TANC1: variants seen among roughly 807,000 people sequenced by gnomAD.
TANC1 encodes protein TANC1.
In TANC1, 77 loss-of-function variants were observed where a neutral mutation model predicts 149.7. The ratio of observed to expected loss-of-function variants is 0.51; its 90% CI spans 0.43 to 0.62. TANC1 has a LOEUF of 0.62. TANC1 is among the 20% of genes least tolerant of loss of function. TANC1 has a pLI of 0.00. For missense variants in TANC1, 1,985 were observed against 2,321.8 expected, an observed-to-expected ratio of 0.85 and a Z score of 2.98; for synonymous variants, 854 against 925.0, an observed-to-expected ratio of 0.92 and a Z score of 1.39.
rs2149693708 is a variant in TANC1, at chr2:159,065,859, G to GT, written c.-15-34dup. On this transcript the variant is annotated intron_variant, in intron 2 of 26. Coordinates refer to ENST00000263635, the MANE Select transcript of TANC1 (RefSeq NM_033394.3). ...CACAAGTTATATTCCAACTTTCAAT[G>GT]TTTAATTCCTCTTCTCTCTGTTTCT... The GT allele has an allele frequency of 4.5e-6, 7 of 1,557,378 alleles. No individual in the cohort carries two copies. The South Asian group carries it at 7.8e-5, about 17-fold the overall frequency.
intron 4 of TANC1, among the ~76,000 whole-genome samples, chr2:159,125,546 G>T (rs998069412): frequency 6.6e-6 from 1 of 151,412 alleles, no homozygotes; most frequent in African/African-American, 2.4e-5. Flanking sequence ...CCATGTGACT[G>T]TAGGACTGAG....
At chr2:158,974,748 T>C (rs1244189308) in intron 1 of TANC1, among the ~76,000 whole-genome samples, 19 of 151,650 alleles carry the variant, frequency 1.3e-4, no homozygotes, top group Non-Finnish European at 2.8e-4. Context: ...TGTATTTTAT[T>C]TTGAGAAAGG....
At chr2:158,989,609 C>CAA (rs35891573) in intron 1 of TANC1, among the ~76,000 whole-genome samples, 12 of 87,578 alleles carry the variant, frequency 1.4e-4, no homozygotes, top group Admixed American at 2.7e-4. Flanking sequence ...GACTCAGTCT[C>CAA]AAAAAAAAAA....
chr2:158,995,518 A>G lies in TANC1; in HGVS notation c.-125-5562A>G, dbSNP rs1203959839. Among the ~76,000 whole-genome samples the G allele has an allele frequency of 4.6e-5, 7 of 152,106 alleles. No homozygotes were observed. In the East Asian group the frequency reaches 1.2e-3, roughly 25 times the overall value. Reference sequence around the variant, plus strand: ...ATCCTTTCCCTCCCTGTAGCACATTACCCGAGGGCGGGACTCTTGGAAACT... The same window carrying G: ...ATCCTTTCCCTCCCTGTAGCACATTGCCCGAGGGCGGGACTCTTGGAAACT... On this transcript the variant is annotated intron_variant, in intron 1 of 26. Transcript: ENST00000263635.
chr2:159,066,006 C>T (rs1225915540), intron 3 of TANC1, 35 bp downstream of exon 3: 11 of 1,541,252 alleles, frequency 7.1e-6, no homozygotes, highest in East Asian at 2.2e-5. Context: ...CAGCCATGGA[C>T]AGCGGGCAGC....
At chr2:159,148,815 A>T (rs533703282) in intron 5 of TANC1, 4 of 188,272 alleles carry the variant, frequency 2.1e-5, no homozygotes, top group East Asian at 2.8e-4. Context: ...TGAGGGTAAC[A>T]TGAAAGATAG....
At chr2:159,023,617 C>T (rs2039008997) in intron 2 of TANC1, among the ~76,000 whole-genome samples, 1 of 152,104 alleles carries the variant, frequency 6.6e-6, no homozygotes, top group Non-Finnish European at 1.5e-5. Context: ...GCTGGAATTA[C>T]AGGCATGTGC....
chr2:159,229,109 A>C (rs1318932540), intron 26 of TANC1, among the ~76,000 whole-genome samples: 1 of 152,106 alleles, frequency 6.6e-6, no homozygotes, highest in Non-Finnish European at 1.5e-5. Context: ...ACGTCTCAAT[A>C]ATCATTCCTT....
chr2:159,169,256 G>A lies in TANC1; in HGVS notation c.953G>A (p.Ser318Asn), dbSNP rs761085123. ...CTTCAGTTTAATATTACAGCAACAA[G>A]CTCAACCAAATTGGAAGATCTGAGT... is the stretch of plus-strand genomic sequence containing the variant. ...MPRPNSVAATSSTKLEDLSYL... is the reference protein window; with the variant it reads ...MPRPNSVAATNSTKLEDLSYL... Residue 318 changes from serine to asparagine, a missense_variant, in exon 9 of 27, where the codon AGC (serine) becomes AAC (asparagine). Physicochemically the swap from Ser to Asn is conservative, Grantham distance 46. Transcript: ENST00000263635. The A allele has an allele frequency of 2.2e-5, 36 of 1,613,466 alleles. No individual in the cohort carries two copies. Among genetic ancestry groups the A allele is most frequent in the Non-Finnish European group, 2.7e-5 (32 of 1,179,578 alleles).
intron 1 of TANC1, among the ~76,000 whole-genome samples, chr2:158,969,080 G>A (rs1205734233): frequency 6.6e-6 from 1 of 152,216 alleles, no homozygotes; most frequent in Non-Finnish European, 1.5e-5. Context: ...CCCTGGAACC[G>A]GTGTGGTGGG....
In TANC1 at chr2:159,199,008, C is replaced by A. The variant is rs372204559; in HGVS notation, c.3199C>A (p.His1067Asn). The A allele has an allele frequency of 6.8e-6, 11 of 1,614,038 alleles. No homozygotes were observed. The African/African-American group carries it at 1.1e-4, about 16-fold the overall frequency. The change falls in exon 19 of 27, where the codon CAT becomes AAT. Residue 1067 changes from histidine (H) to asparagine (N), a missense_variant. Around this residue, in one of 3 missense-constraint regions of TANC1, gnomAD observed 920 missense variants for 994.7 expected, o/e 0.92. Coordinates refer to ENST00000263635, the MANE Select transcript of TANC1 (RefSeq NM_033394.3). ...GTGCTTGCTGGGGATGGAGAAGGAA[C>A]ATGAAGTAGAAGTCAATGGCACCGA... Reference protein sequence around the residue: ...VQCLLGMEKEHEVEVNGTDTL... With the variant: ...VQCLLGMEKENEVEVNGTDTL...
chr2:159,205,255 G>T (rs1357818026), intron 19 of TANC1, among the ~76,000 whole-genome samples: 1 of 152,216 alleles, frequency 6.6e-6, no homozygotes, highest in Non-Finnish European at 1.5e-5. Context: ...ATCCAAGGCT[G>T]CCCCAGAGCA....
intron 1 of TANC1, among the ~76,000 whole-genome samples, chr2:158,985,649 T>C (rs998906092): frequency 9.2e-5 from 14 of 152,132 alleles, no homozygotes; most frequent in South Asian, 2.1e-4. Context: ...ACCTTTTTTT[T>C]CCCTTTTCTT....
chr2:159,150,338 C>T (rs541028574), intron 6 of TANC1, 32 bp from the exon 7 acceptor site: 21 of 1,586,536 alleles, frequency 1.3e-5, no homozygotes, highest in Middle Eastern at 1.7e-4. Flanking sequence ...CTGTGTAAGC[C>T]GTGCTAACTC....
rs147978389 is a variant in TANC1 at position 158,973,942 on chromosome 2, C to T, written c.-126+5160C>T. The stretch of plus-strand genomic sequence containing the variant: ...TTATTCCCATGTAACCCATTACACT[C>T]CCCTCTCTCTGCCATGCTTTGTTCT... On this transcript the variant is annotated intron_variant, in intron 1 of 26. Transcript: ENST00000263635. 3.3e-5 allele frequency among the ~76,000 whole-genome samples: 5 copies of T among 152,300 alleles called. No homozygotes were observed. In the East Asian group the frequency reaches 7.7e-4, roughly 23 times the overall value.
At position 158,984,308 on chromosome 2, in the gene TANC1, A is replaced by G. The variant is rs192909003; in HGVS notation, c.-126+15526A>G. The stretch of plus-strand genomic sequence containing the variant: ...GTTCCCCCTTCCATCTGGAAAAAAG[A>G]GATGCCATTTCTAGGACAGTGATTG... On this transcript the variant is annotated intron_variant, in intron 1 of 26. Transcript: ENST00000263635. 2.8e-4 allele frequency among the ~76,000 whole-genome samples: 42 copies of G among 152,342 alleles called. No homozygotes were observed. In the East Asian group the frequency reaches 7.5e-3, roughly 27 times the overall value.
chr2:158,988,145 A>G (rs1449892683), intron 1 of TANC1, among the ~76,000 whole-genome samples: 3 of 151,512 alleles, frequency 2.0e-5, no homozygotes, highest in Non-Finnish European at 4.4e-5. Context: ...CAACATGGTG[A>G]AACCCCCGTC....
intron 2 of TANC1, among the ~76,000 whole-genome samples, chr2:159,024,676 G>A (rs903924530): frequency 1.3e-5 from 2 of 151,880 alleles, no homozygotes; most frequent in African/African-American, 4.8e-5. Context: ...GCTTGAATCC[G>A]GGAGGCAGAG....
intron 2 of TANC1, chr2:159,060,179 TCTTTGAAG>T: frequency 5.6e-6 from 3 of 538,820 alleles, no homozygotes; most frequent in Non-Finnish European, 7.1e-6. Context: ...TTTTGATGCT[TCTTTGAAG>T]CAAAGAAGAA....
Sources: allele counts gnomAD v4.1 joint callset (sites outside exome capture counted in the v4.1 genomes callset), GRCh38; gene constraint gnomAD v4.1.1; regional missense constraint gnomAD v4.1.1; transcripts MANE v1.5; gene names NCBI Gene and HGNC (gene_info 2026-07-23, HGNC 2026-07-21).